MGAM2: variants seen among roughly 807,000 people sequenced by gnomAD.
The protein encoded by MGAM2 is maltase-glucoamylase 2 (putative), also known as probable maltase-glucoamylase 2.
In MGAM2, 98 loss-of-function variants were observed where a neutral mutation model predicts 96.1. The ratio of observed to expected loss-of-function variants is 1.02; its 90% CI spans 0.87 to 1.21. The LOEUF (loss-of-function observed/expected upper bound fraction) is 1.21, where lower values mean the gene tolerates loss of function less well. Ranked by LOEUF, MGAM2 falls within the 50% of genes most tolerant of loss-of-function variation. The pLI is 0.00. For missense variants in MGAM2, 2,055 were observed against 1,182.4 expected (o/e 1.74, Z -10.82); for synonymous variants, 749 against 414.8 (o/e 1.81, Z -9.79).
chr7:142,138,539 C>T lies in MGAM2; in HGVS notation c.961-3C>T. 1 of 702,800 alleles carries T rather than the reference C, an allele frequency of 1.4e-6. No individual in the cohort carries two copies. The highest frequency in any genetic ancestry group is 2.6e-6 in the Non-Finnish European group (1 of 384,832). The allele number at this position is 702,800 out of a possible 1,614,324, so 43.5% of individuals were successfully genotyped here. On this transcript the variant is annotated splice_region_variant and splice_polypyrimidine_tract_variant and intron_variant, in intron 9 of 47. Transcript: ENST00000477922. Reference sequence around the variant, plus strand: ...AAGCCTACACACTTACTTATCTTTTCAGCTTGTTGGACGGCCATTCTTCCC... The same window carrying T: ...AAGCCTACACACTTACTTATCTTTTTAGCTTGTTGGACGGCCATTCTTCCC...
intron 46 of MGAM2, among the ~76,000 whole-genome samples, chr7:142,216,795 T>C (rs1222855974): frequency 6.6e-6 from 1 of 152,192 alleles, no homozygotes; most frequent in Non-Finnish European, 1.5e-5. Flanking sequence ...CAATTGAACA[T>C]GTTTCTTTTT....
chr7:142,121,394 C>T (rs10238175), intron 3 of MGAM2, among the ~76,000 whole-genome samples: 25,273 of 152,026 alleles, frequency 0.17, 2,461 homozygotes, highest in East Asian at 0.36. Context: ...GCCAGGAGGC[C>T]TCAAACTCCT....
chr7:142,197,549 G>A lies in MGAM2; in HGVS notation c.4781+1G>A. On this transcript the variant is annotated splice_donor_variant, in intron 41 of 47. Transcript: ENST00000477922. LOFTEE classifies it high-confidence loss of function. ...CAGTTGTCCGGCCCCTTCTCCATGA[G>A]TGAGTACAGCCTCTTTCCCCAAGCA... The A allele has an allele frequency of 1.4e-6, 1 of 703,192 alleles. No homozygotes were observed. Among genetic ancestry groups the A allele is most frequent in the East Asian group, 2.7e-5 (1 of 37,274 alleles). 43.6% of individuals were successfully genotyped at this position (703,192 alleles called of 1,614,324 possible).
At chr7:142,173,086 A>T (rs1796248195) in intron 30 of MGAM2, 143 bp from the exon 31 acceptor site, 1 of 563,750 alleles carries the variant, frequency 1.8e-6, no homozygotes, top group Non-Finnish European at 3.2e-6. Flanking sequence ...TAGTTGCTCC[A>T]CATTTGTTGG....
intron 46 of MGAM2, among the ~76,000 whole-genome samples, chr7:142,217,275 T>C (rs765934609): frequency 6.6e-6 from 1 of 152,220 alleles, no homozygotes; most frequent in Non-Finnish European, 1.5e-5. Context: ...GTCCTCAGTC[T>C]AGGGACTGTT....
At position 142,189,366 on chromosome 7, in the gene MGAM2, G is replaced by T. The variant is rs1191009047; in HGVS notation, c.4208-1G>T. ...GGAAATAACTCAACATTTCCCCTCA[G>T]ATTTGGAATCTAGGGACAAGGGCCT... On this transcript the variant is annotated splice_acceptor_variant, in intron 36 of 47. Transcript: ENST00000477922. LOFTEE classifies it high-confidence loss of function. 2.9e-6 allele frequency: 2 copies of T among 690,386 alleles called. No individual in the cohort carries two copies. The highest frequency in any genetic ancestry group is 4.4e-5 in the Admixed American group (2 of 45,030). The allele number at this position is 690,386 out of a possible 1,614,324, so 42.8% of individuals were successfully genotyped here.
At chr7:142,143,285 TA>T (rs1201739474) in intron 12 of MGAM2, among the ~76,000 whole-genome samples, 1 of 152,182 alleles carries the variant, frequency 6.6e-6, no homozygotes. Flanking sequence ...AGGTAGAATT[TA>T]AAAAATGACC....
intron 2 of MGAM2, among the ~76,000 whole-genome samples, chr7:142,117,218 T>A (rs13228555): frequency 6.6e-6 from 1 of 152,130 alleles, no homozygotes; most frequent in African/African-American, 2.4e-5. Context: ...TTTAACAAGA[T>A]GCAAAATTAG....
At chr7:142,113,115 G>A (rs912249975) in intron 1 of MGAM2, among the ~76,000 whole-genome samples, 1 of 152,168 alleles carries the variant, frequency 6.6e-6, no homozygotes, top group Non-Finnish European at 1.5e-5. Context: ...TTGTAGAAAT[G>A]GTCGTGGCAT....
intron 19 of MGAM2, among the ~76,000 whole-genome samples, chr7:142,158,819 A>G (rs1399622665): frequency 6.6e-6 from 1 of 152,298 alleles, no homozygotes; most frequent in East Asian, 1.9e-4. Flanking sequence ...AGCAGGGGTA[A>G]GTGGCAAAGT....
At chr7:142,135,549 C>T (rs1430089115) in intron 7 of MGAM2, among the ~76,000 whole-genome samples, 4 of 151,994 alleles carry the variant, frequency 2.6e-5, no homozygotes, top group Non-Finnish European at 5.9e-5. Context: ...GCTTATTGAT[C>T]TTCTCAATTT....
At chr7:142,213,454 G>A (rs554808239) in intron 46 of MGAM2, among the ~76,000 whole-genome samples, 1 of 152,096 alleles carries the variant, frequency 6.6e-6, no homozygotes, top group South Asian at 2.1e-4. Context: ...AAAGAGAGAA[G>A]AATCAAATAG....
intron 10 of MGAM2, among the ~76,000 whole-genome samples, chr7:142,139,963 G>A (rs140715838): frequency 3.0e-4 from 46 of 152,278 alleles, no homozygotes; most frequent in Admixed American, 5.2e-4. Flanking sequence ...TGGAGGACAC[G>A]TGGGTCCTAA....
intron 3 of MGAM2, among the ~76,000 whole-genome samples, chr7:142,129,152 A>C (rs1404936162): frequency 3.9e-5 from 6 of 152,194 alleles, no homozygotes; most frequent in Non-Finnish European, 1.5e-5. Context: ...TGACAGCCTC[A>C]TTGGATTTCA....
intron 12 of MGAM2, 55 bp downstream of exon 12, chr7:142,141,174 T>C (rs1585156840): frequency 2.9e-6 from 2 of 681,836 alleles, no homozygotes; most frequent in East Asian, 2.7e-5. Flanking sequence ...AGTTGTACTT[T>C]TGGTACGAAG....
At chr7:142,198,818 G>T (rs867992712) in intron 44 of MGAM2, 79 bp downstream of exon 44, 5 of 638,936 alleles carry the variant, frequency 7.8e-6, no homozygotes, top group Non-Finnish European at 1.4e-5. Flanking sequence ...TCCCACCTTC[G>T]CCAGGGATAT....
rs373746561 is a variant in MGAM2 at position 142,133,670 on chromosome 7, G to A, written c.576-311G>A. On this transcript the variant is annotated intron_variant, in intron 6 of 47. Transcript: ENST00000477922. ...CTCAAAATATCCACTTTTCCTAGGG[G>A]CAATGAGACTTTGTTTATAAAACAC... Among the ~76,000 whole-genome samples, 22 of 152,176 alleles carry A rather than the reference G, an allele frequency of 1.4e-4. 1 individual carries two copies. The highest frequency in any genetic ancestry group is 3.2e-4 in the Non-Finnish European group (22 of 68,010).
Position 142,136,598 on chromosome 7 carries a change from G to T in MGAM2, c.805G>T (p.Gly269Cys), listed in dbSNP as rs900131623. ...TFFLCLEDAR[G>C]SSFGVFLMNS... ...CTTCTTGTGCCTTGAAGATGCCAGGGGCTCCTCTTTTGGAGTATTTCTGAT... is the reference window on the plus strand; with the variant it reads ...CTTCTTGTGCCTTGAAGATGCCAGGTGCTCCTCTTTTGGAGTATTTCTGAT... Residue 269 changes from glycine to cysteine, a missense_variant, in exon 8 of 48, where the codon GGC (glycine) becomes TGC (cysteine). Transcript: ENST00000477922. 1 of 702,406 alleles carries T rather than the reference G, an allele frequency of 1.4e-6. No homozygotes were observed. The highest frequency in any genetic ancestry group is 1.7e-5 in the African/African-American group (1 of 57,268). 43.5% of individuals were successfully genotyped at this position (702,406 alleles called of 1,614,324 possible).
At chr7:142,114,559 G>A (rs1277179317) in intron 1 of MGAM2, among the ~76,000 whole-genome samples, 1 of 152,138 alleles carries the variant, frequency 6.6e-6, no homozygotes. Flanking sequence ...AACAGAGTTT[G>A]GGGTGACTTG....
Sources: gnomAD v4.1 joint callset for allele counts (sites outside exome capture counted in the v4.1 genomes callset) on GRCh38, gnomAD v4.1.1 for gene constraint, MANE v1.5 for transcripts, NCBI Gene and HGNC (gene_info 2026-07-23, HGNC 2026-07-21) for gene names.